The following SEC13 variants were observed in gnomAD, a reference collection of about 807,000 sequenced individuals.
The protein encoded by SEC13 is protein SEC13 homolog.
In SEC13, 25 loss-of-function variants were observed where a neutral mutation model predicts 49.2. That is an observed-to-expected ratio of 0.51 (90% CI 0.37 to 0.71). The LOEUF is 0.71. Ranked by LOEUF, SEC13 falls within the 30% of genes least tolerant of loss-of-function variation. The pLI, the probability that SEC13 is intolerant of heterozygous loss-of-function variation, is 0.00. For missense variants in SEC13, 383 were observed against 417.6 expected, an observed-to-expected ratio of 0.92 and a Z score of 0.72; for synonymous variants, 148 against 163.9, an observed-to-expected ratio of 0.90 and a Z score of 0.74.
Position 10,316,518 on chromosome 3 carries a change from G to C in SEC13, c.49-1082C>G, listed in dbSNP as rs959778329. On this transcript the variant is annotated intron_variant, in intron 2 of 8. Transcript: ENST00000350697. ...CACTTCTCATGCTTCTCAGTGGAAG[G>C]AGGCAGGACATAGTACCTTTCAGAT... Among the ~76,000 whole-genome samples the C allele has an allele frequency of 2.6e-5, 4 of 152,128 alleles. No individual in the cohort carries two copies. The South Asian group carries it at 8.3e-4, about 32-fold the overall frequency.
rs1559504431 is a variant in SEC13 at position 10,321,091 on chromosome 3, G to GC, written c.-40dup. On this transcript the variant is annotated 5_prime_UTR_variant, in exon 1 of 9. Transcript: ENST00000350697. This position sits in a 1 kb window ranked among gnomAD's most constrained non-coding sequence, Gnocchi z 4.1. ...GCTGCTCCAGGTCTCGGACGTGGCA[G>GC]CTCCCGGCGGCGCCTCGGAACAGCT... The GC allele has an allele frequency of 6.2e-7, 1 of 1,612,216 alleles. No individual in the cohort carries two copies. The highest frequency in any genetic ancestry group is 8.5e-7 in the Non-Finnish European group (1 of 1,179,482).
chr3:10,305,515 G>A (rs752998415), intron 6 of SEC13, 44 bp downstream of exon 6: 4 of 1,607,770 alleles, frequency 2.5e-6, no homozygotes, highest in East Asian at 2.2e-5. Flanking sequence ...AGGGTAAAGG[G>A]TAGAAGTGTC....
In SEC13 at chr3:10,317,769, G is replaced by C. The variant is rs532920143; in HGVS notation, c.48+281C>G. Among the ~76,000 whole-genome samples, 12 of 152,268 alleles carry C rather than the reference G, an allele frequency of 7.9e-5. No homozygotes were observed. The South Asian group carries it at 2.5e-3, about 32-fold the overall frequency. ...CCCACTCAGCCTTCATCCGAGAGCA[G>C]GTTATTGTATTGGCTGGAAGACTGA... On this transcript the variant is annotated intron_variant, in intron 2 of 8. Transcript: ENST00000350697.
chr3:10,317,900 C>T (rs1372727197), intron 2 of SEC13, 150 bp downstream of exon 2: 7 of 589,152 alleles, frequency 1.2e-5, no homozygotes, highest in African/African-American at 1.9e-5. Flanking sequence ...TGCCATACCC[C>T]GAGATTACAG....
chr3:10,306,720 T>C (rs918349570), intron 5 of SEC13, among the ~76,000 whole-genome samples: 1 of 152,214 alleles, frequency 6.6e-6, no homozygotes, highest in African/African-American at 2.4e-5. Context: ...GTTCTCATGA[T>C]AGTGAATAAG....
At chr3:10,302,003 A>C (rs946368512) in intron 8 of SEC13, among the ~76,000 whole-genome samples, 3 of 152,106 alleles carry the variant, frequency 2.0e-5, no homozygotes, top group African/African-American at 7.2e-5. Flanking sequence ...GCACTTTGGG[A>C]GGCTGAGATG....
chr3:10,315,470 G>T, intron 2 of SEC13, 34 bp from the exon 3 acceptor site: 1 of 888,918 alleles, frequency 1.1e-6, no homozygotes, highest in Non-Finnish European at 1.7e-6. Context: ...AAGCCTGCAG[G>T]CTGGGTGGGT....
At chr3:10,305,322 C>A in intron 6 of SEC13, 166 bp from the exon 7 acceptor site, 1 of 1,176,308 alleles carries the variant, frequency 8.5e-7, no homozygotes, top group Non-Finnish European at 1.2e-6. Context: ...TAAAAAAAAC[C>A]CTCCAGAAAA....
chr3:10,301,324 A>C lies in SEC13; in HGVS notation c.906T>G (p.Asp302Glu), dbSNP rs1700494260. Reference protein sequence around the residue: ...SVDGQWVCISDVNKGQGSVSA... With the variant: ...SVDGQWVCISEVNKGQGSVSA... ...ATACGGAGCCCTGGCCCTTGTTGAC[A>C]TCACTGATGCACACCCACTGCCCAT... The change falls in exon 9 of 9, where the codon GAT (aspartate) becomes GAG (glutamate). Residue 302 changes from aspartate to glutamate, a missense_variant. Asp to Glu is a conservative substitution (Grantham distance 45). Coordinates refer to ENST00000350697, the MANE Select transcript of SEC13 (RefSeq NM_183352.3). The C allele has an allele frequency of 6.2e-7, 1 of 1,614,026 alleles. No homozygotes were observed. Among genetic ancestry groups the C allele is most frequent in the Admixed American group, 1.7e-5 (1 of 59,998 alleles).
In SEC13 at chr3:10,301,256, T is replaced by C; in HGVS notation, c.*5A>G. The C allele has an allele frequency of 1.2e-6, 2 of 1,614,134 alleles. No individual in the cohort carries two copies. The highest frequency in any genetic ancestry group is 1.7e-6 in the Non-Finnish European group (2 of 1,180,004). ...CGGGTGGGGAGCCAGGCCCCACCTG[T>C]CTTGTCACTGCTCGTTCTGCTGGCC... On this transcript the variant is annotated 3_prime_UTR_variant, in exon 9 of 9. Coordinates refer to ENST00000350697, the MANE Select transcript of SEC13 (RefSeq NM_183352.3).
Position 10,311,743 on chromosome 3 carries a change from T to C in SEC13, c.450+222A>G, listed in dbSNP as rs1421210009. On this transcript the variant is annotated intron_variant, in intron 5 of 8. Transcript: ENST00000350697. ...GGCTGCTGCTGCACCAGCCCTCCCC[T>C]GCTTGGGAGCACACAACAAGGAAGC... is the stretch of plus-strand genomic sequence containing the variant. 5.7e-6 allele frequency: 8 copies of C among 1,397,358 alleles called. No individual in the cohort carries two copies. The African/African-American group carries it at 1.2e-4, about 20-fold the overall frequency. The allele number at this position is 1,397,358 out of a possible 1,614,324, so 86.6% of individuals were successfully genotyped here. A position where few individuals can be genotyped will look rare whatever the true frequency, so the allele number is the denominator to read the frequency against.
intron 5 of SEC13, among the ~76,000 whole-genome samples, chr3:10,310,804 G>C (rs1409254412): frequency 6.6e-6 from 1 of 152,110 alleles, no homozygotes; most frequent in East Asian, 1.9e-4. Context: ...TATTCATAAG[G>C]CCGAGAACAT....
chr3:10,306,445 A>G (rs928191393), intron 5 of SEC13, among the ~76,000 whole-genome samples: 2 of 152,160 alleles, frequency 1.3e-5, no homozygotes, highest in African/African-American at 4.8e-5. Context: ...CTCTTATATT[A>G]ACAGCTGTCA....
intron 5 of SEC13, among the ~76,000 whole-genome samples, chr3:10,307,979 A>G (rs988558018): frequency 1.3e-5 from 2 of 152,160 alleles, no homozygotes; most frequent in African/African-American, 2.4e-5. Flanking sequence ...CCTCTAGTAG[A>G]TTTCTCAGGA....
At position 10,305,145 on chromosome 3, in the gene SEC13, T is replaced by C. The variant is rs1191333841; in HGVS notation, c.596A>G (p.Asp199Gly). ...NLIKLWKEEE[D>G]GQWKEEQKLE... The stretch of plus-strand genomic sequence containing the variant: ...CTTCTGCTCCTCCTTCCACTGGCCG[T>C]CCTCCTCCTCCCTAACAGTGGGGAC... Residue 199 changes from aspartate (D) to glycine (G), a missense_variant, in exon 7 of 9, where the codon GAC becomes GGC. Physicochemically the swap from Asp to Gly is moderately conservative, Grantham distance 94. Coordinates refer to ENST00000350697, the MANE Select transcript of SEC13 (RefSeq NM_183352.3). The C allele has an allele frequency of 1.2e-6, 2 of 1,611,744 alleles. No individual in the cohort carries two copies. Among genetic ancestry groups the C allele is most frequent in the East Asian group, 4.5e-5 (2 of 44,832 alleles).
At chr3:10,312,281 T>C (rs1451016864) in intron 4 of SEC13, among the ~76,000 whole-genome samples, 183 bp from the exon 5 acceptor site, 1 of 152,198 alleles carries the variant, frequency 6.6e-6, no homozygotes. Flanking sequence ...TACCACGATT[T>C]CATAACCTAC....
chr3:10,306,146 T>C (rs1700861781), intron 5 of SEC13, among the ~76,000 whole-genome samples: 1 of 152,180 alleles, frequency 6.6e-6, no homozygotes, highest in African/African-American at 2.4e-5. Flanking sequence ...ATCACCCAAA[T>C]GTGCACCCCT....
chr3:10,320,516 C>T lies in SEC13; in HGVS notation c.3+534G>A, dbSNP rs369054622. On this transcript the variant is annotated intron_variant, in intron 1 of 8. Transcript: ENST00000350697. ...CCGAGGTGCCCATCCTACCTGGGGG[C>T]CCTACCCCGAGCAACAGTTCAATCA... 4.1e-3 allele frequency: 4,018 copies of T among 985,662 alleles called. 13 individuals are homozygous for T. Among genetic ancestry groups the T allele is most frequent in the Non-Finnish European group, 4.5e-3 (3,754 of 830,096 alleles). 61.1% of individuals were successfully genotyped at this position (985,662 alleles called of 1,614,324 possible).
intron 8 of SEC13, among the ~76,000 whole-genome samples, chr3:10,302,632 G>A (rs1428589431): frequency 1.3e-5 from 2 of 152,100 alleles, no homozygotes; most frequent in Non-Finnish European, 2.9e-5. Context: ...CTAGAAATAT[G>A]GCTTTGAGAG....
Sources: allele counts gnomAD v4.1 joint callset (sites outside exome capture counted in the v4.1 genomes callset), GRCh38; gene constraint gnomAD v4.1.1; non-coding constraint Gnocchi (gnomAD v3.1); transcripts MANE v1.5; gene names NCBI Gene and HGNC (gene_info 2026-07-23, HGNC 2026-07-21).